SLC29A3: variants seen among roughly 807,000 people sequenced by gnomAD.
SLC29A3 encodes the protein equilibrative nucleoside transporter 3.
Under a neutral mutation model 25.4 loss-of-function variants are expected in SLC29A3, and 18 were observed. The ratio of observed to expected loss-of-function variants is 0.71; its 90% CI spans 0.49 to 1.05. SLC29A3 has a LOEUF of 1.05. Ranked by LOEUF, SLC29A3 falls within the 50% of genes least tolerant of loss-of-function variation. SLC29A3 has a pLI of 0.00. For missense variants in SLC29A3, 586 were observed against 609.0 expected, an observed-to-expected ratio of 0.96 and a Z score of 0.40; for synonymous variants, 258 against 267.1, an observed-to-expected ratio of 0.97 and a Z score of 0.33.
chr10:71,320,677 T>C (rs1234060717), intron 1 of SLC29A3, among the ~76,000 whole-genome samples: 2 of 152,224 alleles, frequency 1.3e-5, no homozygotes, highest in Non-Finnish European at 2.9e-5. Flanking sequence ...ACTTGCTGGC[T>C]GGATGCATTG....
chr10:71,373,819 C>A (rs921762278), intron 3 of SLC29A3, among the ~76,000 whole-genome samples: 3 of 152,278 alleles, frequency 2.0e-5, no homozygotes, highest in Admixed American at 2.0e-4. Context: ...TTCCCAGACC[C>A]ATGGCCCCAA....
At chr10:71,355,412 C>T (rs571000134) in intron 4 of SLC29A3, among the ~76,000 whole-genome samples, 2 of 152,234 alleles carry the variant, frequency 1.3e-5, no homozygotes, top group South Asian at 4.2e-4. Flanking sequence ...GGGGTGGTTG[C>T]GTGCTTGTGT....
intron 2 of SLC29A3, among the ~76,000 whole-genome samples, chr10:71,326,843 G>A (rs900995460): frequency 6.6e-6 from 1 of 152,176 alleles, no homozygotes; most frequent in African/African-American, 2.4e-5. Context: ...TCTTGGCATC[G>A]GAGATGAGAG....
At chr10:71,359,883 C>G (rs1847010516) in intron 5 of SLC29A3, among the ~76,000 whole-genome samples, 1 of 152,216 alleles carries the variant, frequency 6.6e-6, no homozygotes, top group Non-Finnish European at 1.5e-5. Context: ...TTTCAGATAC[C>G]TGGGACCCAG....
chr10:71,332,587 A>T (rs1333132000), intron 2 of SLC29A3, among the ~76,000 whole-genome samples: 1 of 152,176 alleles, frequency 6.6e-6, no homozygotes, highest in Non-Finnish European at 1.5e-5. Flanking sequence ...GGGGAGTCTG[A>T]GGTCAGGCAG....
At chr10:71,370,889 T>C (rs187516318) in intron 3 of SLC29A3, among the ~76,000 whole-genome samples, 3 of 152,250 alleles carry the variant, frequency 2.0e-5, no homozygotes, top group African/African-American at 7.2e-5. Flanking sequence ...GGGATAGCCA[T>C]CACCTTAAAT....
intron 3 of SLC29A3, among the ~76,000 whole-genome samples, chr10:71,368,427 C>G (rs1050562745): frequency 4.6e-5 from 7 of 152,164 alleles, no homozygotes. Flanking sequence ...TACCCTGTAC[C>G]CAGTGCTCAA....
chr10:71,337,347 G>A (rs1239788783), intron 2 of SLC29A3, among the ~76,000 whole-genome samples: 1 of 152,238 alleles, frequency 6.6e-6, no homozygotes, highest in Non-Finnish European at 1.5e-5. Flanking sequence ...CAGGGCAAGG[G>A]CACCTCCCCT....
chr10:71,345,636 TCTCACCA>T, intron 3 of SLC29A3, among the ~76,000 whole-genome samples: 1 of 150,852 alleles, frequency 6.6e-6, no homozygotes, highest in Admixed American at 6.6e-5. Context: ...TTGCAGCCCC[TCTCACCA>T]GCCAACTGGC....
rs1288866537 is a variant in SLC29A3, at chr10:71,363,242, G to A, written c.*634G>A. ...CCTCCCTGTGCAAGGGATCAAGCAT[G>A]TCTGGCCTGGGTTTTCAAAAAAAGA... On this transcript the variant is annotated 3_prime_UTR_variant, in exon 6 of 6. Transcript: ENST00000373189. 2.2e-6 allele frequency: 1 copy of A among 454,004 alleles called. No individual in the cohort carries two copies. Among genetic ancestry groups the A allele is most frequent in the East Asian group, 6.9e-5 (1 of 14,406 alleles). The allele number at this position is 454,004 out of a possible 1,614,324, so 28.1% of individuals were successfully genotyped here.
At chr10:71,350,962 G>A (rs1191241597) in intron 3 of SLC29A3, among the ~76,000 whole-genome samples, 3 of 152,242 alleles carry the variant, frequency 2.0e-5, no homozygotes, top group Non-Finnish European at 2.9e-5. Context: ...AAAATGCCTA[G>A]AAGAGTGCTA....
Position 71,361,977 on chromosome 10 carries a change from C to T in SLC29A3, c.797C>T (p.Ala266Val), listed in dbSNP as rs142991278. ...AGGTACTACATGAGGCCTGTTCTTG[C>T]GGCCCATGTGTTTTCTGGTGAAGAG... ...YARYYMRPVL[A>V]AHVFSGEEEL... is the part of the protein sequence containing the mutation. The change falls in exon 6 of 6, where the codon GCG becomes GTG. Residue 266 changes from alanine (A) to valine (V), a missense_variant. By Grantham distance (64) the Ala-to-Val change is moderately conservative. Coordinates refer to ENST00000373189, the MANE Select transcript of SLC29A3 (RefSeq NM_018344.6). 34 of 1,613,986 alleles carry T rather than the reference C, an allele frequency of 2.1e-5. No homozygotes were observed. Among genetic ancestry groups the T allele is most frequent in the Middle Eastern group, 1.6e-4 (1 of 6,084 alleles).
intron 5 of SLC29A3, among the ~76,000 whole-genome samples, chr10:71,358,264 G>A (rs1206743296): frequency 1.3e-5 from 2 of 152,110 alleles, no homozygotes; most frequent in African/African-American, 2.4e-5. Flanking sequence ...GAGTCACTTC[G>A]TTAACCCCTA....
intron 2 of SLC29A3, among the ~76,000 whole-genome samples, chr10:71,331,490 C>T (rs138385748): frequency 5.9e-5 from 9 of 152,174 alleles, no homozygotes; most frequent in Non-Finnish European, 1.3e-4. Flanking sequence ...GAAGGAAAAA[C>T]GCATGATGAA....
intron 5 of SLC29A3, among the ~76,000 whole-genome samples, chr10:71,359,351 G>A (rs888516339): frequency 3.9e-5 from 6 of 152,178 alleles, no homozygotes; most frequent in South Asian, 2.1e-4. Context: ...AGGCAAGCTC[G>A]CCCGTCCTAC....
At chr10:71,359,318 G>C (rs1290335938) in intron 5 of SLC29A3, among the ~76,000 whole-genome samples, 1 of 152,166 alleles carries the variant, frequency 6.6e-6, no homozygotes, top group Non-Finnish European at 1.5e-5. Context: ...TCCCAGGTCT[G>C]CTTGGACTAA....
rs2252996 is a variant in SLC29A3, at chr10:71,356,185, G to A, written c.715G>A (p.Val239Ile). 0.86 allele frequency: 1,394,055 copies of A among 1,613,592 alleles called. 606,088 individuals are homozygous for A. The highest frequency in any genetic ancestry group is 0.91 in the Middle Eastern group (5,502 of 6,060). Residue 239 changes from valine (V) to isoleucine (I), a missense_variant, in exon 5 of 6, where the codon GTC (valine) becomes ATC (isoleucine). Val to Ile is a conservative substitution (Grantham distance 29, BLOSUM62 3). Coordinates refer to ENST00000373189, the MANE Select transcript of SLC29A3 (RefSeq NM_018344.6). ...SALAFFLTATVFLVLCMGLYL... is the reference protein window; with the variant it reads ...SALAFFLTATIFLVLCMGLYL... ...CCTGGCCTTCTTCCTGACGGCCACT[G>A]TCTTCCTCGTGCTCTGCATGGGACT...
chr10:71,324,881 G>A (rs897231336), intron 2 of SLC29A3, among the ~76,000 whole-genome samples: 1 of 152,150 alleles, frequency 6.6e-6, no homozygotes, highest in Non-Finnish European at 1.5e-5. Context: ...GTCAGGACTG[G>A]GGGGTCGGGC....
chr10:71,376,032 T>C (rs1847249444), intron 4 of SLC29A3, among the ~76,000 whole-genome samples: 1 of 151,890 alleles, frequency 6.6e-6, no homozygotes, highest in Admixed American at 6.6e-5. Flanking sequence ...GGGGCAAAAA[T>C]AGAGGTGGGG....
Sources: allele counts gnomAD v4.1 joint callset (sites outside exome capture counted in the v4.1 genomes callset), GRCh38; gene constraint gnomAD v4.1.1; transcripts MANE v1.5; gene names NCBI Gene and HGNC (gene_info 2026-07-23, HGNC 2026-07-21).